The following PIK3C2G variants were observed in gnomAD, a reference collection of about 807,000 sequenced individuals.
PIK3C2G encodes the protein phosphatidylinositol 3-kinase C2 domain-containing subunit gamma.
In PIK3C2G, 168 loss-of-function variants were observed where a neutral mutation model predicts 181.1. The ratio of observed to expected loss-of-function variants is 0.93; its 90% CI spans 0.82 to 1.05. The LOEUF is 1.05. Ranked by LOEUF, PIK3C2G falls within the 50% of genes least tolerant of loss-of-function variation. The pLI is 0.00. For synonymous variants in PIK3C2G, 573 were observed against 592.2 expected (o/e 0.97, Z 0.47); for missense variants, 1,869 against 1,732.8 (o/e 1.08, Z -1.40).
At chr12:18,573,103 C>A (rs1946053576) in intron 29 of PIK3C2G, among the ~76,000 whole-genome samples, 1 of 151,598 alleles carries the variant, frequency 6.6e-6, no homozygotes. Context: ...TAGTCTTGTT[C>A]ACTTGTGAGT....
At chr12:18,692,378 T>C in the PIK3C2G span, among the ~76,000 whole-genome samples, 1 of 152,034 alleles carries the variant, frequency 6.6e-6, no homozygotes, top group Admixed American at 6.6e-5. Context: ...CAACTAGAGG[T>C]TTTTCAAAAG....
chr12:18,691,067 G>C, the PIK3C2G span, among the ~76,000 whole-genome samples: 1 of 152,136 alleles, frequency 6.6e-6, no homozygotes, highest in Non-Finnish European at 1.5e-5. Flanking sequence ...CCTGATGACA[G>C]GTAGTAAATT....
chr12:18,296,509 C>T (rs77181629), intron 5 of PIK3C2G, among the ~76,000 whole-genome samples: 1,810 of 152,110 alleles, frequency 0.012, 43 homozygotes, highest in African/African-American at 0.042. Flanking sequence ...CAGAACAGTA[C>T]GTGGTATAAA....
At chr12:18,402,909 G>C (rs1046095389) in intron 16 of PIK3C2G, among the ~76,000 whole-genome samples, 5 of 152,052 alleles carry the variant, frequency 3.3e-5, no homozygotes, top group African/African-American at 1.2e-4. Context: ...CCTTATGATG[G>C]AAATACTATT....
At chr12:18,281,024 A>G (rs1949190851) in intron 1 of PIK3C2G, among the ~76,000 whole-genome samples, 1 of 151,872 alleles carries the variant, frequency 6.6e-6, no homozygotes, top group African/African-American at 2.4e-5. Flanking sequence ...GCCCCATAGA[A>G]CACTGGAATA....
intron 11 of PIK3C2G, among the ~76,000 whole-genome samples, chr12:18,348,123 T>A (rs1939855880): frequency 1.3e-5 from 2 of 151,970 alleles, no homozygotes; most frequent in Admixed American, 1.3e-4. Flanking sequence ...AAAATCCCTA[T>A]AGCCGGATAA....
the PIK3C2G span, chr12:18,687,980 C>T: frequency 6.9e-7 from 1 of 1,446,122 alleles, no homozygotes; most frequent in Non-Finnish European, 9.4e-7. Context: ...AATGGAAAAC[C>T]CTTGTCTTAT....
chr12:18,449,020 G>T (rs1297724575), intron 18 of PIK3C2G, among the ~76,000 whole-genome samples: 1 of 151,942 alleles, frequency 6.6e-6, no homozygotes, highest in East Asian at 1.9e-4. Flanking sequence ...GGGATTGCTG[G>T]ATCATATGGT....
chr12:18,607,069 G>T, intron 30 of PIK3C2G: 1 of 408,242 alleles, frequency 2.4e-6, no homozygotes, highest in South Asian at 1.9e-5. Context: ...AACAAACTGA[G>T]ACATATAAAA....
chr12:18,272,978 G>T (rs1948473825), intron 1 of PIK3C2G, among the ~76,000 whole-genome samples: 1 of 136,826 alleles, frequency 7.3e-6, no homozygotes, highest in South Asian at 2.3e-4. Context: ...GAAGTTATAA[G>T]AAATGACACT....
At chr12:18,316,229 G>A (rs1950854424) in intron 6 of PIK3C2G, among the ~76,000 whole-genome samples, 1 of 152,130 alleles carries the variant, frequency 6.6e-6, no homozygotes, top group Admixed American at 6.5e-5. Context: ...TGTGGCTACA[G>A]ATCACACTAT....
At chr12:18,690,375 C>T in the PIK3C2G span, among the ~76,000 whole-genome samples, 2 of 152,066 alleles carry the variant, frequency 1.3e-5, no homozygotes, top group African/African-American at 4.8e-5. Flanking sequence ...AGTTGGATGC[C>T]ACCATGCCCA....
At chr12:18,650,971 G>A (rs530439767), downstream of PIK3C2G, among the ~76,000 whole-genome samples, 4 of 151,588 alleles carry the variant, frequency 2.6e-5, no homozygotes, top group South Asian at 8.4e-4. Context: ...ACACAGCAAT[G>A]GGAATGGTTA....
intron 21 of PIK3C2G, among the ~76,000 whole-genome samples, chr12:18,496,700 G>A (rs1022269698): frequency 6.6e-6 from 1 of 151,986 alleles, no homozygotes; most frequent in Admixed American, 6.6e-5. Flanking sequence ...GGGAGATTAG[G>A]GTAAAAAGTA....
chr12:18,415,651 C>T (rs552474219), intron 16 of PIK3C2G, among the ~76,000 whole-genome samples: 1 of 152,338 alleles, frequency 6.6e-6, no homozygotes, highest in Non-Finnish European at 1.5e-5. Context: ...CTTAGATAGG[C>T]TAAAAGCTAG....
the PIK3C2G span, among the ~76,000 whole-genome samples, chr12:18,682,234 A>C: frequency 6.6e-6 from 1 of 152,184 alleles, no homozygotes; most frequent in Admixed American, 6.6e-5. Flanking sequence ...CTGAGAGTAA[A>C]CCATGATAAT....
At chr12:18,362,021 G>A (rs928351831) in intron 11 of PIK3C2G, among the ~76,000 whole-genome samples, 6 of 151,894 alleles carry the variant, frequency 4.0e-5, no homozygotes, top group African/African-American at 1.5e-4. Flanking sequence ...GGTATGCAGG[G>A]TCCTGTCAGT....
intron 18 of PIK3C2G, among the ~76,000 whole-genome samples, chr12:18,463,471 G>A (rs1211939483): frequency 1.3e-5 from 2 of 152,188 alleles, no homozygotes; most frequent in African/African-American, 2.4e-5. Context: ...ATAGATAAAC[G>A]CAGCATAAGC....
intron 24 of PIK3C2G, among the ~76,000 whole-genome samples, chr12:18,525,693 A>G (rs1943187088): frequency 6.6e-6 from 1 of 152,206 alleles, no homozygotes; most frequent in Non-Finnish European, 1.5e-5. Flanking sequence ...TACACCACAT[A>G]AAATTGGCAA....
Sources: allele counts gnomAD v4.1 joint callset (sites outside exome capture counted in the v4.1 genomes callset), GRCh38; gene constraint gnomAD v4.1.1; transcripts MANE v1.5; gene names NCBI Gene and HGNC (gene_info 2026-07-23, HGNC 2026-07-21).